Variants in TUBG2 observed in about 807,000 individuals in gnomAD.
TUBG2 encodes the protein tubulin gamma 2, also known as tubulin gamma-2 chain.
Under a neutral mutation model 55.1 loss-of-function variants are expected in TUBG2, and 39 were observed. The ratio of observed to expected loss-of-function variants is 0.71; its 90% CI spans 0.55 to 0.93. TUBG2 has a LOEUF of 0.93. Ranked by LOEUF, TUBG2 falls within the 40% of genes least tolerant of loss-of-function variation. TUBG2 has a pLI of 0.00. For synonymous variants in TUBG2, 223 were observed against 241.0 expected, an observed-to-expected ratio of 0.93 and a Z score of 0.69; for missense variants, 358 against 599.1, an observed-to-expected ratio of 0.60 and a Z score of 4.20.
In TUBG2 at chr17:42,666,715, C is replaced by T. The variant is rs2052557121; in HGVS notation, c.1271C>T (p.Ser424Phe). The T allele has an allele frequency of 1.9e-6, 3 of 1,614,146 alleles. No homozygotes were observed. Among genetic ancestry groups the T allele is most frequent in the Non-Finnish European group, 2.5e-6 (3 of 1,180,016 alleles). The change falls in exon 11 of 11, where the codon TCT becomes TTT. Residue 424 changes from serine (S) to phenylalanine (F), a missense_variant. Around this residue, in one of 8 missense-constraint regions of TUBG2, gnomAD observed 54 missense variants for 50.2 expected, o/e 1.08. Transcript: ENST00000251412. ...FKDNFDEMDRSREVVQELIDE... is the reference protein window; with the variant it reads ...FKDNFDEMDRFREVVQELIDE... ...GACAACTTTGATGAGATGGACAGGT[C>T]TAGGGAGGTTGTTCAGGAGCTCATT...
In TUBG2 at chr17:42,659,426, G is replaced by A; in HGVS notation, c.-78G>A. ...AGAGAGCGCGCGCTCCCCACGTCCT[G>A]CGCTCCTGGCTGCCGGGCATTCGTC... On this transcript the variant is annotated 5_prime_UTR_variant, in exon 1 of 11. Coordinates refer to ENST00000251412, the MANE Select transcript of TUBG2 (RefSeq NM_016437.3). 2 of 1,466,936 alleles carry A rather than the reference G, an allele frequency of 1.4e-6. No homozygotes were observed. Among genetic ancestry groups the A allele is most frequent in the Non-Finnish European group, 1.8e-6 (2 of 1,089,878 alleles). 90.9% of individuals were successfully genotyped at this position (1,466,936 alleles called of 1,614,324 possible). A position where few individuals can be genotyped will look rare whatever the true frequency, so the allele number is the denominator to read the frequency against.
intron 4 of TUBG2, among the ~76,000 whole-genome samples, chr17:42,661,737 T>G (rs773579485): frequency 6.6e-6 from 1 of 152,256 alleles, no homozygotes; most frequent in Non-Finnish European, 1.5e-5. Flanking sequence ...CTTTAAAATA[T>G]CCTTTATAAC....
chr17:42,660,045 G>A lies in TUBG2; in HGVS notation c.162+99G>A, dbSNP rs1043017458. On this transcript the variant is annotated intron_variant, in intron 2 of 10. Coordinates refer to ENST00000251412, the MANE Select transcript of TUBG2 (RefSeq NM_016437.3). ...GAACCCCGCTGGGCAGTAGGGCCAG[G>A]CGGCTGGCTTGAGGAGGGAGGGCCG... The A allele has an allele frequency of 5.9e-6, 8 of 1,364,264 alleles. No individual in the cohort carries two copies. The African/African-American group carries it at 9.0e-5, about 15-fold the overall frequency. 84.5% of individuals were successfully genotyped at this position (1,364,264 alleles called of 1,614,324 possible).
chr17:42,666,960 A>G lies in TUBG2; in HGVS notation c.*160A>G, dbSNP rs887899837. ...TCCCTTCCATGCCCTAACTTTTAAT[A>G]TGCTTGTTCAGCTCTAATAAAGTAA... On this transcript the variant is annotated 3_prime_UTR_variant, in exon 11 of 11. Coordinates refer to ENST00000251412, the MANE Select transcript of TUBG2 (RefSeq NM_016437.3). 1 of 684,454 alleles carries G rather than the reference A, an allele frequency of 1.5e-6. No homozygotes were observed. The highest frequency in any genetic ancestry group is 2.4e-6 in the Non-Finnish European group (1 of 409,118). The allele number at this position is 684,454 out of a possible 1,614,324, so 42.4% of individuals were successfully genotyped here.
intron 8 of TUBG2, 120 bp from the exon 9 acceptor site, chr17:42,665,967 C>T (rs2052527189): frequency 1.5e-5 from 24 of 1,589,252 alleles, no homozygotes; most frequent in South Asian, 8.0e-5. Context: ...TGGCACAGAG[C>T]GGGCGACTTT....
chr17:42,665,540 C>A lies in TUBG2; in HGVS notation c.671C>A (p.Ser224Tyr). The A allele has an allele frequency of 1.2e-6, 2 of 1,614,160 alleles. No homozygotes were observed. Among genetic ancestry groups the A allele is most frequent in the Non-Finnish European group, 1.7e-6 (2 of 1,180,014 alleles). ...GACCGCCTGCACATCCAGAACCCGT[C>A]CTTCTCCCAGATCAACCAGCTGGTG... The part of the protein sequence containing the change: ...ATDRLHIQNP[S>Y]FSQINQLVST... Residue 224 changes from serine to tyrosine, a missense_variant, in exon 7 of 11, where the codon TCC becomes TAC. Ser to Tyr is a moderately radical substitution (Grantham distance 144, BLOSUM62 -2). This residue lies in a region of TUBG2 where 52 missense variants were observed against 53.8 expected (regional missense o/e 0.97). Transcript: ENST00000251412.
At chr17:42,663,313 C>A in intron 5 of TUBG2, 64 bp from the exon 6 acceptor site, 1 of 1,601,304 alleles carries the variant, frequency 6.2e-7, no homozygotes, top group South Asian at 1.1e-5. Context: ...TACAAAATGG[C>A]ACATATGGGC....
chr17:42,659,463 T>A lies in TUBG2; in HGVS notation c.-41T>A. On this transcript the variant is annotated 5_prime_UTR_variant, in exon 1 of 11. Transcript: ENST00000251412. ...GCCGGGCATTCGTCTCAGCCGTGAC[T>A]CTCGCCAGGCCGGGGCTGGCGCGCC... 1 of 1,539,786 alleles carries A rather than the reference T, an allele frequency of 6.5e-7. No homozygotes were observed. Among genetic ancestry groups the A allele is most frequent in the Non-Finnish European group, 8.8e-7 (1 of 1,142,326 alleles).
rs779022694 is a variant in TUBG2 at position 42,666,552 on chromosome 17, G to C, written c.1159-51G>C. 2.5e-6 allele frequency: 4 copies of C among 1,613,632 alleles called. No individual in the cohort carries two copies. In the South Asian group the frequency reaches 3.3e-5, roughly 13 times the overall value. On this transcript the variant is annotated intron_variant, in intron 10 of 10. Transcript: ENST00000251412. ...TGGCCACCTTCATCATCTTCCCCAA[G>C]TTCACTCCTAACCCCCTGGCTCGCA...
At position 42,666,952 on chromosome 17, in the gene TUBG2, C is replaced by T; in HGVS notation, c.*152C>T. The T allele has an allele frequency of 1.4e-6, 1 of 723,422 alleles. No homozygotes were observed. The highest frequency in any genetic ancestry group is 2.7e-5 in the East Asian group (1 of 36,982). 44.8% of individuals were successfully genotyped at this position (723,422 alleles called of 1,614,324 possible). ...CTGCTTCCTCCCTTCCATGCCCTAA[C>T]TTTTAATATGCTTGTTCAGCTCTAA... On this transcript the variant is annotated 3_prime_UTR_variant, in exon 11 of 11. Coordinates refer to ENST00000251412, the MANE Select transcript of TUBG2 (RefSeq NM_016437.3).
In TUBG2 at chr17:42,659,492, G is replaced by A; in HGVS notation, c.-12G>A. ...GCCAGGCCGGGGCTGGCGCGCCCACGTCTGAAGAGCGATGCCCCGGGAGAT... is the reference window on the plus strand; with the variant it reads ...GCCAGGCCGGGGCTGGCGCGCCCACATCTGAAGAGCGATGCCCCGGGAGAT... On this transcript the variant is annotated 5_prime_UTR_variant, in exon 1 of 11. Coordinates refer to ENST00000251412, the MANE Select transcript of TUBG2 (RefSeq NM_016437.3). 1 of 1,549,342 alleles carries A rather than the reference G, an allele frequency of 6.5e-7. No individual in the cohort carries two copies.
At position 42,661,822 on chromosome 17, in the gene TUBG2, A is replaced by G. The variant is rs575517414; in HGVS notation, c.399+1115A>G. Among the ~76,000 whole-genome samples the G allele has an allele frequency of 3.3e-5, 5 of 152,366 alleles. No individual in the cohort carries two copies. The East Asian group carries it at 9.6e-4, about 29-fold the overall frequency. ...AACAAATTAATTGAACCCAAGGAGC[A>G]GTCCTGAGAACCTCGATTTATAGCT... On this transcript the variant is annotated intron_variant, in intron 4 of 10. Transcript: ENST00000251412.
rs1253977805 is a variant in TUBG2, at chr17:42,666,851, C to A, written c.*51C>A. 5.0e-6 allele frequency: 8 copies of A among 1,598,278 alleles called. No homozygotes were observed. Among genetic ancestry groups the A allele is most frequent in the Non-Finnish European group, 6.9e-6 (8 of 1,167,682 alleles). On this transcript the variant is annotated 3_prime_UTR_variant, in exon 11 of 11. Transcript: ENST00000251412. ...TTCTAGATGGTAACCACAGCCTCGA[C>A]CATGCCTGCTCCCTCTGACCCAGCT...
chr17:42,659,625 C>T (rs1342503274), intron 1 of TUBG2, 73 bp downstream of exon 1: 17 of 1,472,090 alleles, frequency 1.2e-5, no homozygotes, highest in Non-Finnish European at 1.5e-5. Context: ...GCCTGGCTTC[C>T]ACCAGTCCCC....
chr17:42,666,592 A>G lies in TUBG2; in HGVS notation c.1159-11A>G, dbSNP rs994061880. ...CCTGGCTCGCATTTTGGAGATTTTC[A>G]TCTCTTTCAGCTCTTTGAAAGTTCC... On this transcript the variant is annotated splice_polypyrimidine_tract_variant and intron_variant, in intron 10 of 10. Transcript: ENST00000251412. The G allele has an allele frequency of 3.7e-6, 6 of 1,614,100 alleles. No individual in the cohort carries two copies. Among genetic ancestry groups the G allele is most frequent in the Non-Finnish European group, 5.1e-6 (6 of 1,179,986 alleles).
chr17:42,659,769 G>A, intron 1 of TUBG2, 65 bp from the exon 2 acceptor site: 1 of 1,595,594 alleles, frequency 6.3e-7, no homozygotes, highest in Non-Finnish European at 8.6e-7. Flanking sequence ...CAGCCTCTGA[G>A]ACTAAAACTG....
Position 42,659,388 on chromosome 17 carries a change from C to A in TUBG2, c.-116C>A. On this transcript the variant is annotated 5_prime_UTR_variant, in exon 1 of 11. Transcript: ENST00000251412. Reference sequence around the variant, plus strand: ...TGCACACGCGCAGACCGAGCATCCGCGTCAAGAGGCGAAGAGAGCGCGCGC... The same window carrying A: ...TGCACACGCGCAGACCGAGCATCCGAGTCAAGAGGCGAAGAGAGCGCGCGC... The A allele has an allele frequency of 9.0e-7, 1 of 1,105,506 alleles. No homozygotes were observed. The highest frequency in any genetic ancestry group is 1.3e-6 in the Non-Finnish European group (1 of 793,096). 68.5% of individuals were successfully genotyped at this position (1,105,506 alleles called of 1,614,324 possible). A position where few individuals can be genotyped will look rare whatever the true frequency, so the allele number is the denominator to read the frequency against.
chr17:42,659,304 G>A lies in TUBG2; in HGVS notation c.-200G>A, dbSNP rs2052324128. On this transcript the variant is annotated 5_prime_UTR_variant, in exon 1 of 11. Transcript: ENST00000251412. ...GCGGAATTCCAGCTGCGACTGCTGAGGGAGAAAATGATGCCCAGGTTGGGC... is the reference window on the plus strand; with the variant it reads ...GCGGAATTCCAGCTGCGACTGCTGAAGGAGAAAATGATGCCCAGGTTGGGC... 1.9e-6 allele frequency: 1 copy of A among 539,266 alleles called. No homozygotes were observed. The allele number at this position is 539,266 out of a possible 1,614,324, so 33.4% of individuals were successfully genotyped here.
intron 7 of TUBG2, 50 bp downstream of exon 7, chr17:42,665,612 A>G (rs1164670954): frequency 6.2e-7 from 1 of 1,613,878 alleles, no homozygotes; most frequent in African/African-American, 1.3e-5. Flanking sequence ...TCCTTGCTGG[A>G]GGGTCATCTG....
Sources: allele counts gnomAD v4.1 joint callset (sites outside exome capture counted in the v4.1 genomes callset), GRCh38; gene constraint gnomAD v4.1.1; regional missense constraint gnomAD v4.1.1; transcripts MANE v1.5; gene names NCBI Gene and HGNC (gene_info 2026-07-23, HGNC 2026-07-21).